ZNF267: variants seen among roughly 807,000 people sequenced by gnomAD.
The protein encoded by ZNF267 is zinc finger (C2H2).
ZNF267 carries 61 observed loss-of-function variants against 71.6 expected under a neutral mutation model. The ratio of observed to expected loss-of-function variants is 0.85; its 90% CI spans 0.69 to 1.05. The LOEUF (loss-of-function observed/expected upper bound fraction) is 1.05, where lower values mean the gene tolerates loss of function less well. Ranked by LOEUF, ZNF267 falls within the 50% of genes least tolerant of loss-of-function variation. The pLI, the probability that ZNF267 is intolerant of heterozygous loss-of-function variation, is 0.00. For synonymous variants in ZNF267, 288 were observed against 293.2 expected (o/e 0.98, Z 0.18); for missense variants, 852 against 870.0 (o/e 0.98, Z 0.26).
At chr16:31,903,889 T>C (rs2084063955) in intron 3 of ZNF267, among the ~76,000 whole-genome samples, 2 of 152,234 alleles carry the variant, frequency 1.3e-5, no homozygotes, top group African/African-American at 4.8e-5. Context: ...AGGGTGTCAA[T>C]TTTAGATCTT....
intron 3 of ZNF267, among the ~76,000 whole-genome samples, chr16:31,901,929 C>G (rs528592414): frequency 7.2e-5 from 11 of 152,090 alleles, no homozygotes; most frequent in African/African-American, 2.7e-4. Flanking sequence ...AGTTTTAGGT[C>G]TAATATGTAA....
chr16:31,903,740 C>T (rs896509305), intron 3 of ZNF267, among the ~76,000 whole-genome samples: 1 of 152,106 alleles, frequency 6.6e-6, no homozygotes, highest in Non-Finnish European at 1.5e-5. Flanking sequence ...AAAACCAGCT[C>T]CTGGATTCAT....
intron 3 of ZNF267, among the ~76,000 whole-genome samples, chr16:31,887,658 C>T (rs1596617482): frequency 6.6e-6 from 1 of 152,058 alleles, no homozygotes; most frequent in African/African-American, 2.4e-5. Flanking sequence ...CTTTGTGTAT[C>T]TTGGTGCCCT....
chr16:31,875,897 C>G (rs2083849103), intron 1 of ZNF267, among the ~76,000 whole-genome samples: 1 of 152,164 alleles, frequency 6.6e-6, no homozygotes, highest in Admixed American at 6.5e-5. Flanking sequence ...TCAAGTCATA[C>G]TTCATTGTTA....
At chr16:31,898,406 T>A (rs1023127014) in intron 3 of ZNF267, among the ~76,000 whole-genome samples, 5 of 152,120 alleles carry the variant, frequency 3.3e-5, no homozygotes, top group Non-Finnish European at 5.9e-5. Context: ...TCAGCCAAAT[T>A]TTGTCTTGTG....
intron 1 of ZNF267, among the ~76,000 whole-genome samples, chr16:31,881,954 C>T (rs899083030): frequency 8.5e-5 from 13 of 152,198 alleles, no homozygotes; most frequent in Admixed American, 8.5e-4. Flanking sequence ...GCGTGAGCCA[C>T]CGTGCCCAGT....
chr16:31,899,255 AT>A (rs2084021416), intron 3 of ZNF267, among the ~76,000 whole-genome samples: 1 of 152,228 alleles, frequency 6.6e-6, no homozygotes, highest in Non-Finnish European at 1.5e-5. Context: ...CATTGCACTT[AT>A]TCTAAAATTG....
rs967631411 is a variant in ZNF267, at chr16:31,897,679, C to G, written c.226+12423C>G. ...AGAGTACATTGAATCTGTAAATCAC[C>G]TTGGATAGTATTGACATCTTAAGAA... On this transcript the variant is annotated intron_variant, in intron 3 of 3. Coordinates refer to ENST00000300870, the MANE Select transcript of ZNF267 (RefSeq NM_003414.6). Among the ~76,000 whole-genome samples, 4 of 152,122 alleles carry G rather than the reference C, an allele frequency of 2.6e-5. No individual in the cohort carries two copies. The East Asian group carries it at 7.7e-4, about 29-fold the overall frequency.
chr16:31,901,684 C>T (rs992163614), intron 3 of ZNF267, among the ~76,000 whole-genome samples: 1 of 152,098 alleles, frequency 6.6e-6, no homozygotes, highest in Non-Finnish European at 1.5e-5. Flanking sequence ...ATTGTAGATT[C>T]TGGATATTAG....
At chr16:31,900,748 G>T (rs1006895032) in intron 3 of ZNF267, among the ~76,000 whole-genome samples, 1 of 135,550 alleles carries the variant, frequency 7.4e-6, no homozygotes, top group African/African-American at 2.6e-5. Context: ...CCGGCCCCAA[G>T]AATTCTTTCT....
In ZNF267 at chr16:31,915,538, A is replaced by T; in HGVS notation, c.1289A>T (p.His430Leu). 6.2e-7 allele frequency: 1 copy of T among 1,613,226 alleles called. No individual in the cohort carries two copies. The highest frequency in any genetic ancestry group is 1.1e-5 in the South Asian group (1 of 90,950). Residue 430 changes from histidine (H) to leucine (L), a missense_variant, in exon 4 of 4, where the codon CAT (histidine) becomes CTT (leucine). His to Leu is a moderately conservative substitution (Grantham distance 99). Coordinates refer to ENST00000300870, the MANE Select transcript of ZNF267 (RefSeq NM_003414.6). ...TACCTTACTAAACATAAGCGAATTC[A>T]TACTGGAGAGAAACCTTATAAATGT... The part of the protein sequence containing the change: ...SSYLTKHKRI[H>L]TGEKPYKCKE...
chr16:31,907,394 T>C (rs1360494413), intron 3 of ZNF267, among the ~76,000 whole-genome samples: 4 of 152,176 alleles, frequency 2.6e-5, no homozygotes, highest in Non-Finnish European at 5.9e-5. Flanking sequence ...CTTCCTGACT[T>C]CAAAATTTCA....
At chr16:31,894,735 C>T in intron 3 of ZNF267, 1 of 484,398 alleles carries the variant, frequency 2.1e-6, no homozygotes, top group Admixed American at 2.4e-5. Flanking sequence ...CTAATAGTAG[C>T]CTGGTGGTGT....
At chr16:31,892,468 A>C (rs528590798) in intron 3 of ZNF267, among the ~76,000 whole-genome samples, 1 of 152,258 alleles carries the variant, frequency 6.6e-6, no homozygotes, top group South Asian at 2.1e-4. Context: ...AAACACAATC[A>C]TGCCTTCCCA....
intron 3 of ZNF267, among the ~76,000 whole-genome samples, chr16:31,905,777 C>G (rs775751164): frequency 9.2e-5 from 14 of 152,202 alleles, no homozygotes; most frequent in Non-Finnish European, 1.6e-4. Context: ...ACGCCTTCTT[C>G]TCTCACCTCG....
chr16:31,879,724 C>T (rs1264846401), intron 1 of ZNF267, among the ~76,000 whole-genome samples: 7 of 152,210 alleles, frequency 4.6e-5, no homozygotes, highest in African/African-American at 1.4e-4. Flanking sequence ...AATAAGTTTA[C>T]AGGGCATCAG....
intron 3 of ZNF267, among the ~76,000 whole-genome samples, chr16:31,900,020 A>C (rs2084026883): frequency 6.6e-6 from 1 of 152,010 alleles, no homozygotes; most frequent in Non-Finnish European, 1.5e-5. Context: ...ACATACACAC[A>C]CACAATGTGT....
At chr16:31,913,015 AGTTT>A (rs1268470393) in intron 3 of ZNF267, 1 of 152,064 alleles carries the variant, frequency 6.6e-6, no homozygotes, top group Non-Finnish European at 1.5e-5. Flanking sequence ...TGCCTTATTC[AGTTT>A]GTTAGGTGAG....
At chr16:31,907,416 A>G (rs2084100188) in intron 3 of ZNF267, among the ~76,000 whole-genome samples, 1 of 152,086 alleles carries the variant, frequency 6.6e-6, no homozygotes. Flanking sequence ...ATGACCTGTT[A>G]TCAAGTGTGC....
Sources: gnomAD v4.1 joint callset for allele counts (sites outside exome capture counted in the v4.1 genomes callset) on GRCh38, gnomAD v4.1.1 for gene constraint, MANE v1.5 for transcripts, NCBI Gene and HGNC (gene_info 2026-07-23, HGNC 2026-07-21) for gene names.